The following SCFD2 variants were observed in gnomAD, a reference collection of about 807,000 sequenced individuals.
The protein encoded by SCFD2 is sec1 family domain containing 2.
A neutral mutation model predicts 58.9 loss-of-function variants in SCFD2; 54 were observed. The observed-to-expected ratio is 0.92, with a 90% CI of 0.74 to 1.15. The LOEUF is 1.15. Among genes scored for constraint, SCFD2 ranks in the 50% most tolerant of loss-of-function variants. The pLI, the probability that SCFD2 is intolerant of heterozygous loss-of-function variation, is 0.00. For missense variants in SCFD2, 805 were observed against 836.6 expected, an observed-to-expected ratio of 0.96 and a Z score of 0.47; for synonymous variants, 321 against 335.9, an observed-to-expected ratio of 0.96 and a Z score of 0.49.
chr4:53,319,107 G>A (rs537089580), intron 2 of SCFD2, among the ~76,000 whole-genome samples: 6 of 152,258 alleles, frequency 3.9e-5, no homozygotes, highest in Admixed American at 1.3e-4. Flanking sequence ...CACTTTTCAT[G>A]TTGGTTTTCT....
rs1229393732 is a variant in SCFD2 at position 53,329,708 on chromosome 4, G to A, written c.1008-15945C>T. 4.6e-5 allele frequency among the ~76,000 whole-genome samples: 7 copies of A among 152,286 alleles called. No individual in the cohort carries two copies. The East Asian group carries it at 9.7e-4, about 21-fold the overall frequency. The stretch of plus-strand genomic sequence containing the variant: ...AGCACCTCTCCTCCTCCAAAGGAAC[G>A]CAGTTCCTCACCAGCAACGGAACAA... On this transcript the variant is annotated intron_variant, in intron 2 of 8. Transcript: ENST00000401642.
At chr4:53,174,691 A>T (rs185491065) in intron 4 of SCFD2, among the ~76,000 whole-genome samples, 1 of 152,276 alleles carries the variant, frequency 6.6e-6, no homozygotes, top group East Asian at 1.9e-4. Flanking sequence ...ACATTAATGA[A>T]ATCTGTAATT....
chr4:53,034,129 A>G (rs1009284607), intron 5 of SCFD2, among the ~76,000 whole-genome samples: 2 of 152,202 alleles, frequency 1.3e-5, no homozygotes, highest in African/African-American at 4.8e-5. Context: ...TCAAGTTGGC[A>G]TCATCCCTGG....
chr4:53,245,801 T>G lies in SCFD2; in HGVS notation c.1311+28025A>C, dbSNP rs555270340. Among the ~76,000 whole-genome samples, 332 of 152,174 alleles carry G rather than the reference T, an allele frequency of 2.2e-3. 1 individual carries two copies. Among genetic ancestry groups the G allele is most frequent in the African/African-American group, 7.5e-3 (313 of 41,532 alleles). On this transcript the variant is annotated intron_variant, in intron 4 of 8. Coordinates refer to ENST00000401642, the MANE Select transcript of SCFD2 (RefSeq NM_152540.4). ...TTTGAAAACTGCCACAAGACAAGGG[T>G]GCCCTCTCTCACAACTCCTATTCAA...
chr4:52,882,300 T>C (rs1178067459), intron 8 of SCFD2, among the ~76,000 whole-genome samples: 1 of 152,126 alleles, frequency 6.6e-6, no homozygotes, highest in Non-Finnish European at 1.5e-5. Context: ...TCATTTTCTT[T>C]TAAATTCTAT....
chr4:53,312,699 T>C (rs1216804271), intron 3 of SCFD2, among the ~76,000 whole-genome samples: 1 of 152,180 alleles, frequency 6.6e-6, no homozygotes, highest in Non-Finnish European at 1.5e-5. Flanking sequence ...CTTAGTTTGA[T>C]TTTTGCCCCC....
At chr4:53,329,801 T>A (rs1192099934) in intron 2 of SCFD2, among the ~76,000 whole-genome samples, 2 of 151,842 alleles carry the variant, frequency 1.3e-5, no homozygotes, top group Non-Finnish European at 2.9e-5. Flanking sequence ...TACTCTGAGC[T>A]ACGGGAGGAC....
chr4:52,887,661 C>A (rs1336585756), intron 7 of SCFD2, among the ~76,000 whole-genome samples: 1 of 152,142 alleles, frequency 6.6e-6, no homozygotes, highest in African/African-American at 2.4e-5. Flanking sequence ...GCCTGCGTGG[C>A]CACCAAAGCC....
At chr4:53,289,543 AAAC>A (rs1266025476) in intron 3 of SCFD2, among the ~76,000 whole-genome samples, 18 of 152,312 alleles carry the variant, frequency 1.2e-4, no homozygotes, top group African/African-American at 2.2e-4. Context: ...TCACAGAAGC[AAAC>A]AATAAGAGAA....
intron 5 of SCFD2, among the ~76,000 whole-genome samples, chr4:53,118,899 G>A (rs1177855849): frequency 6.6e-6 from 1 of 152,034 alleles, no homozygotes; most frequent in African/African-American, 2.4e-5. Context: ...TCACATGGGG[G>A]AACAAAAGCC....
In SCFD2 at chr4:53,365,100, T is replaced by C. The variant is rs1317891875; in HGVS notation, c.838+4A>G. 4 of 1,613,216 alleles carry C rather than the reference T, an allele frequency of 2.5e-6. No individual in the cohort carries two copies. Among genetic ancestry groups the C allele is most frequent in the African/African-American group, 1.3e-5 (1 of 74,910 alleles). ...AATGAAGAACTCCAGAGCAATGCAC[T>C]TACCTGTGAGATCCAGGGTTCTGTC... On this transcript the variant is annotated splice_donor_region_variant and intron_variant, in intron 1 of 8. Transcript: ENST00000401642. This position sits in a 1 kb window ranked among gnomAD's most constrained non-coding sequence, Gnocchi z 4.3.
intron 2 of SCFD2, among the ~76,000 whole-genome samples, chr4:53,318,282 T>C (rs1301509335): frequency 6.6e-6 from 1 of 152,224 alleles, no homozygotes; most frequent in African/African-American, 2.4e-5. Flanking sequence ...TGTTTCAGCT[T>C]ATCTCTTCAA....
chr4:53,302,468 AG>A (rs1732346227), intron 3 of SCFD2, among the ~76,000 whole-genome samples: 1 of 152,202 alleles, frequency 6.6e-6, no homozygotes, highest in African/African-American at 2.4e-5. Flanking sequence ...AACAAATGGA[AG>A]AACATTCCAT....
intron 2 of SCFD2, among the ~76,000 whole-genome samples, chr4:53,335,566 G>T (rs573053903): frequency 6.6e-6 from 1 of 152,150 alleles, no homozygotes; most frequent in Non-Finnish European, 1.5e-5. Flanking sequence ...TTATGACTAT[G>T]TTGGAAAATA....
At chr4:52,958,261 T>C (rs921366743) in intron 5 of SCFD2, among the ~76,000 whole-genome samples, 1 of 152,214 alleles carries the variant, frequency 6.6e-6, no homozygotes, top group Admixed American at 6.5e-5. Flanking sequence ...GTTATGAACT[T>C]GTGCTTACAT....
At chr4:52,885,624 G>T (rs2109447141) in intron 8 of SCFD2, 123 bp downstream of exon 8, 1 of 1,190,888 alleles carries the variant, frequency 8.4e-7, no homozygotes, top group Non-Finnish European at 1.2e-6. Flanking sequence ...AGGGAACAAA[G>T]CCAAGAGGGT....
chr4:53,026,198 G>T (rs1275232947), intron 5 of SCFD2, among the ~76,000 whole-genome samples: 2 of 152,120 alleles, frequency 1.3e-5, no homozygotes, highest in African/African-American at 4.8e-5. Flanking sequence ...AGAGATTCTA[G>T]GAAACTCGCT....
intron 4 of SCFD2, among the ~76,000 whole-genome samples, chr4:53,165,362 T>C (rs950607227): frequency 8.5e-5 from 13 of 152,208 alleles, no homozygotes; most frequent in African/African-American, 3.1e-4. Context: ...CCTATCTTTA[T>C]ATAATTAATG....
At chr4:53,136,606 G>A (rs984533024) in intron 5 of SCFD2, among the ~76,000 whole-genome samples, 7 of 152,166 alleles carry the variant, frequency 4.6e-5, no homozygotes, top group African/African-American at 1.4e-4. Flanking sequence ...AACTAGTAGT[G>A]TATCTGCAAA....
Sources: allele counts gnomAD v4.1 joint callset (sites outside exome capture counted in the v4.1 genomes callset), GRCh38; gene constraint gnomAD v4.1.1; non-coding constraint Gnocchi (gnomAD v3.1); transcripts MANE v1.5; gene names NCBI Gene and HGNC (gene_info 2026-07-23, HGNC 2026-07-21).